Variants in DMD observed in about 807,000 individuals in gnomAD.
DMD encodes the protein dystrophin.
A neutral mutation model predicts 330.1 loss-of-function variants in DMD; 63 were observed. The observed-to-expected ratio is 0.19, with a 90% CI of 0.16 to 0.24. The LOEUF is 0.24. DMD is among the 10% of genes least tolerant of loss of function. The pLI is 1.00. For synonymous variants in DMD, 1,223 were observed against 959.8 expected (o/e 1.27, Z -5.07); for missense variants, 3,344 against 2,684.1 (o/e 1.25, Z -5.43).
At chrX:32,953,045 G>A (rs1197923627) in intron 2 of DMD, among the ~76,000 whole-genome samples, 1 of 105,565 alleles carries the variant, frequency 9.5e-6, no homozygotes, top group East Asian at 3.0e-4. Flanking sequence ...TGAGGCAGGA[G>A]AATCACTTGA....
intron 7 of DMD, among the ~76,000 whole-genome samples, chrX:32,754,452 C>G (rs901250397): frequency 1.1e-4 from 12 of 109,992 alleles, no homozygotes; most frequent in African/African-American, 3.6e-4. Flanking sequence ...TTATTAATTC[C>G]TCTGCCAACT....
At chrX:32,757,141 C>T (rs773253019) in intron 7 of DMD, among the ~76,000 whole-genome samples, 19 of 111,230 alleles carry the variant, frequency 1.7e-4, no homozygotes, top group Admixed American at 6.7e-4. Context: ...TCAATCAAGC[C>T]AATTGATATA....
chrX:31,191,778 CATTTTCATTTGCT>C (rs2148432706), intron 67 of DMD, among the ~76,000 whole-genome samples: 1 of 111,603 alleles, frequency 9.0e-6, no homozygotes, highest in South Asian at 3.8e-4. Context: ...ATACAGTGGC[CATTTTCATTTGCT>C]ATTTTCATTA....
intron 7 of DMD, among the ~76,000 whole-genome samples, chrX:32,705,804 T>C (rs943841761): frequency 9.0e-6 from 1 of 111,475 alleles, no homozygotes; most frequent in Non-Finnish European, 1.9e-5. Context: ...TTTTCATGTG[T>C]TTTTTGGCTG....
At chrX:32,411,462 G>A (rs2098141729) in intron 30 of DMD, among the ~76,000 whole-genome samples, 1 of 111,166 alleles carries the variant, frequency 9.0e-6, no homozygotes. Flanking sequence ...ACTATCCTAT[G>A]GTTTTACTCT....
intron 44 of DMD, among the ~76,000 whole-genome samples, chrX:32,087,278 G>A (rs745745352): frequency 1.8e-5 from 2 of 111,557 alleles, no homozygotes; most frequent in Non-Finnish European, 3.8e-5. Context: ...AATTAAGTGA[G>A]TAAAGCTGTT....
intron 47 of DMD, among the ~76,000 whole-genome samples, chrX:31,897,949 TGG>T (rs753496964): frequency 0.058 from 6,378 of 110,617 alleles, 140 homozygotes; most frequent in African/African-American, 0.074. Flanking sequence ...TTGTCAATTT[TGG>T]CTTTTGTTGC....
chrX:31,897,918 C>T lies in DMD; in HGVS notation c.6913-22545G>A, dbSNP rs1230339618. Among the ~76,000 whole-genome samples the T allele has an allele frequency of 2.7e-5, 3 of 110,421 alleles. No homozygotes were observed. In the Admixed American group the frequency reaches 2.9e-4, roughly 11 times the overall value. On this transcript the variant is annotated intron_variant, in intron 47 of 78. Transcript: ENST00000357033. ...AGTTTCTTTTGCTGTGCAGAAGCTC[C>T]TTAGTTTAATTAGATCCCATTTGTC...
chrX:31,389,121 C>A (rs2060586156), intron 60 of DMD, among the ~76,000 whole-genome samples: 1 of 112,103 alleles, frequency 8.9e-6, no homozygotes, highest in South Asian at 3.7e-4. Flanking sequence ...TCATTTTGAT[C>A]CTCTACATAT....
At chrX:31,919,400 T>A (rs1296132409) in intron 47 of DMD, among the ~76,000 whole-genome samples, 3 of 112,454 alleles carry the variant, frequency 2.7e-5, no homozygotes, top group Non-Finnish European at 5.6e-5. Context: ...CACAAAAAAA[T>A]ATTTTTAGAC....
intron 1 of DMD, among the ~76,000 whole-genome samples, chrX:33,114,351 C>A (rs1018715825): frequency 9.1e-6 from 1 of 110,319 alleles, no homozygotes; most frequent in Non-Finnish European, 1.9e-5. Flanking sequence ...CTCAGGTGAT[C>A]CGCCTGCCTC....
chrX:31,721,692 C>A (rs867434271), intron 52 of DMD, among the ~76,000 whole-genome samples: 11,653 of 62,557 alleles, frequency 0.19, 847 homozygotes, highest in Admixed American at 0.39. Context: ...CTCACTCTCT[C>A]TCTCTCTCTC....
intron 55 of DMD, among the ~76,000 whole-genome samples, chrX:31,550,138 C>G (rs62590901): frequency 0.31 from 34,135 of 110,529 alleles, 4,772 homozygotes; most frequent in African/African-American, 0.53. Context: ...CCTGGAGATA[C>G]AGCCAATTGA....
In DMD at chrX:31,920,882, C is replaced by T. The variant is rs1316627357; in HGVS notation, c.6912+8714G>A. Among the ~76,000 whole-genome samples the T allele has an allele frequency of 4.5e-5, 5 of 112,192 alleles. No individual in the cohort carries two copies. In the South Asian group the frequency reaches 1.9e-3, roughly 42 times the overall value. ...ATTTTCAGTATGTAGATAGTGGCAACAATGAAGTTTCACTATGGAAATTAG... is the reference window on the plus strand; with the variant it reads ...ATTTTCAGTATGTAGATAGTGGCAATAATGAAGTTTCACTATGGAAATTAG... On this transcript the variant is annotated intron_variant, in intron 47 of 78. Coordinates refer to ENST00000357033, the MANE Select transcript of DMD (RefSeq NM_004006.3).
chrX:31,459,371 A>G (rs1030053565), intron 59 of DMD, among the ~76,000 whole-genome samples: 4 of 112,476 alleles, frequency 3.6e-5, no homozygotes, highest in African/African-American at 1.3e-4. Flanking sequence ...GGTTCTAAAA[A>G]AAACACATCA....
intron 63 of DMD, among the ~76,000 whole-genome samples, chrX:31,226,716 T>G (rs777179532): frequency 4.5e-5 from 5 of 111,857 alleles, no homozygotes; most frequent in Non-Finnish European, 7.5e-5. Context: ...AACCAATTCC[T>G]GTCCTCCCCT....
intron 1 of DMD, among the ~76,000 whole-genome samples, chrX:33,022,955 G>A (rs1430693799): frequency 9.0e-6 from 1 of 111,690 alleles, no homozygotes; most frequent in African/African-American, 3.2e-5. Context: ...ATTTGGCAAT[G>A]CATAACTTAT....
intron 52 of DMD, among the ~76,000 whole-genome samples, chrX:31,681,932 A>G (rs757572589): frequency 9.0e-6 from 1 of 111,362 alleles, no homozygotes; most frequent in Non-Finnish European, 1.9e-5. Context: ...AGTCTCTACT[A>G]AAAATACAAA....
intron 23 of DMD, among the ~76,000 whole-genome samples, chrX:32,467,665 T>C (rs989419454): frequency 2.8e-5 from 3 of 106,357 alleles, no homozygotes; most frequent in Non-Finnish European, 5.7e-5. Flanking sequence ...CATATATACA[T>C]GTTATATGTA....
Sources: allele counts gnomAD v4.1 joint callset (sites outside exome capture counted in the v4.1 genomes callset), GRCh38; gene constraint gnomAD v4.1.1; transcripts MANE v1.5; gene names NCBI Gene and HGNC (gene_info 2026-07-23, HGNC 2026-07-21).